The following SOX5 variants were observed in gnomAD, a reference collection of about 807,000 sequenced individuals.
SOX5 encodes the protein transcription factor SOX-5.
In SOX5, 9 loss-of-function variants were observed where a neutral mutation model predicts 92.0. The observed-to-expected ratio is 0.10, with a 90% CI of 0.06 to 0.17. The LOEUF is 0.17. SOX5 is among the 10% of genes least tolerant of loss of function. SOX5 has a pLI of 1.00. For missense variants in SOX5, 642 were observed against 944.5 expected (o/e 0.68, Z 4.20); for synonymous variants, 344 against 336.3 (o/e 1.02, Z -0.25).
At chr12:23,718,337 T>C (rs917751217) in intron 6 of SOX5, among the ~76,000 whole-genome samples, 78 of 152,218 alleles carry the variant, frequency 5.1e-4, no homozygotes, top group African/African-American at 1.8e-3. Flanking sequence ...TATTCCTTCA[T>C]GAAGACATTT....
At chr12:24,078,306 C>T (rs1569535549) in intron 4 of SOX5, among the ~76,000 whole-genome samples, 2 of 151,684 alleles carry the variant, frequency 1.3e-5, no homozygotes, top group Admixed American at 6.6e-5. Flanking sequence ...ACAGTTTGTA[C>T]GAGGAGGAGG....
intron 1 of SOX5, among the ~76,000 whole-genome samples, chr12:24,401,708 T>TAAAAAAAAAAA (rs71063321): frequency 8.3e-4 from 83 of 99,432 alleles, no homozygotes; most frequent in African/African-American, 3.2e-3. Flanking sequence ...ACCCTATCTT[T>TAAAAAAAAAAA]AAAAAAAAAA....
At chr12:24,077,247 T>A (rs1171760832) in intron 4 of SOX5, among the ~76,000 whole-genome samples, 2 of 152,126 alleles carry the variant, frequency 1.3e-5, no homozygotes, top group African/African-American at 4.8e-5. Context: ...TAACCAAGAC[T>A]GACTCTGGTG....
chr12:23,816,097 A>G (rs2095986036), intron 3 of SOX5, among the ~76,000 whole-genome samples: 1 of 152,190 alleles, frequency 6.6e-6, no homozygotes, highest in Admixed American at 6.5e-5. Context: ...TTCTTAGTTC[A>G]TAGAACATAC....
At chr12:23,701,554 C>A (rs1343520711) in intron 6 of SOX5, among the ~76,000 whole-genome samples, 1 of 152,050 alleles carries the variant, frequency 6.6e-6, no homozygotes, top group African/African-American at 2.4e-5. Flanking sequence ...TATTTCCCAA[C>A]TTGAGTAAGT....
At chr12:24,047,804 A>G (rs1192412002) in intron 4 of SOX5, among the ~76,000 whole-genome samples, 22 of 152,200 alleles carry the variant, frequency 1.4e-4, no homozygotes, top group Admixed American at 1.2e-3. Flanking sequence ...GGTTGACACA[A>G]TTGCATAACA....
intron 1 of SOX5, among the ~76,000 whole-genome samples, chr12:23,917,588 C>A (rs1187433147): frequency 6.6e-6 from 1 of 151,966 alleles, no homozygotes; most frequent in Non-Finnish European, 1.5e-5. Context: ...ATAAAAAGAA[C>A]CCTTTAGCAG....
intron 3 of SOX5, among the ~76,000 whole-genome samples, chr12:23,807,683 C>G (rs1342109201): frequency 6.6e-6 from 1 of 150,774 alleles, no homozygotes; most frequent in Non-Finnish European, 1.5e-5. Context: ...CTGTGTTGCC[C>G]AGGCTGGGTT....
At chr12:24,431,258 T>C (rs1938253025) in intron 1 of SOX5, among the ~76,000 whole-genome samples, 1 of 152,316 alleles carries the variant, frequency 6.6e-6, no homozygotes, top group East Asian at 1.9e-4. Flanking sequence ...CTATGATGCA[T>C]GGATGCTTTC....
At chr12:24,212,199 G>A (rs895697748) in intron 4 of SOX5, among the ~76,000 whole-genome samples, 4 of 152,150 alleles carry the variant, frequency 2.6e-5, no homozygotes, top group Non-Finnish European at 5.9e-5. Context: ...CCCTTTAAGC[G>A]GGTAAGGAGT....
chr12:24,174,934 A>G (rs1051326332), intron 4 of SOX5, among the ~76,000 whole-genome samples: 3 of 152,218 alleles, frequency 2.0e-5, no homozygotes, highest in Non-Finnish European at 1.5e-5. Context: ...GGAAGGGGGT[A>G]CCTTGCAGCC....
chr12:24,084,473 C>T (rs899921272), intron 4 of SOX5, among the ~76,000 whole-genome samples: 19 of 151,984 alleles, frequency 1.3e-4, no homozygotes, highest in Admixed American at 3.3e-4. Context: ...TATTTTGCTC[C>T]TTCATTATCC....
intron 4 of SOX5, among the ~76,000 whole-genome samples, chr12:24,042,084 T>C (rs1357999773): frequency 1.3e-5 from 2 of 152,072 alleles, no homozygotes; most frequent in African/African-American, 2.4e-5. Context: ...CAAAGATTAA[T>C]CAATACCTAA....
At chr12:24,224,454 A>G (rs903050949) in intron 3 of SOX5, among the ~76,000 whole-genome samples, 32 of 151,988 alleles carry the variant, frequency 2.1e-4, no homozygotes, top group African/African-American at 7.5e-4. Context: ...ATATTGAAAT[A>G]TATTTTTTAA....
At chr12:24,007,013 A>C (rs1052288524) in intron 4 of SOX5, among the ~76,000 whole-genome samples, 4 of 150,690 alleles carry the variant, frequency 2.7e-5, no homozygotes, top group African/African-American at 9.8e-5. Flanking sequence ...CATGTCTGTA[A>C]TCCCAGCTAC....
chr12:24,339,922 C>A (rs1264237702), intron 2 of SOX5, among the ~76,000 whole-genome samples: 3 of 152,220 alleles, frequency 2.0e-5, no homozygotes, highest in Non-Finnish European at 2.9e-5. Context: ...AGGGTATTAT[C>A]CCCCCTGGCT....
intron 4 of SOX5, among the ~76,000 whole-genome samples, chr12:24,092,439 C>T (rs1377125631): frequency 1.3e-5 from 2 of 152,124 alleles, no homozygotes; most frequent in African/African-American, 4.8e-5. Flanking sequence ...GTAAGTGATG[C>T]CTCCTAATCT....
chr12:24,461,821 C>T (rs1943666695), intron 1 of SOX5, among the ~76,000 whole-genome samples: 1 of 152,116 alleles, frequency 6.6e-6, no homozygotes, highest in African/African-American at 2.4e-5. Flanking sequence ...AACTACAAAT[C>T]AATTTTGTTT....
upstream of SOX5, chr12:23,950,917 G>C (rs912423833): frequency 3.9e-6 from 6 of 1,530,638 alleles, no homozygotes; most frequent in Non-Finnish European, 4.4e-6. Flanking sequence ...CGCAGCATCT[G>C]GTCAGGGAGT....
Sources: gnomAD v4.1 joint callset for allele counts (sites outside exome capture counted in the v4.1 genomes callset) on GRCh38, gnomAD v4.1.1 for gene constraint, MANE v1.5 for transcripts, NCBI Gene and HGNC (gene_info 2026-07-23, HGNC 2026-07-21) for gene names.